The following DOCK10 variants were observed in gnomAD, a reference collection of about 807,000 sequenced individuals.
DOCK10 encodes the protein dedicator of cytokinesis 10, also known as dedicator of cytokinesis protein 10.
DOCK10 carries 145 observed loss-of-function variants against 280.1 expected under a neutral mutation model. The ratio of observed to expected loss-of-function variants is 0.52; its 90% CI spans 0.45 to 0.59. The LOEUF (loss-of-function observed/expected upper bound fraction) is 0.59. DOCK10 is among the 20% of genes least tolerant of loss of function. The pLI is 0.00. For missense variants in DOCK10, 2,368 were observed against 2,651.7 expected (o/e 0.89, Z 2.35); for synonymous variants, 915 against 942.2 (o/e 0.97, Z 0.53).
At chr2:225,023,853 T>C (rs761434213) in intron 1 of DOCK10, among the ~76,000 whole-genome samples, 2 of 152,188 alleles carry the variant, frequency 1.3e-5, no homozygotes, top group Non-Finnish European at 2.9e-5. Flanking sequence ...AGCAAAGGTA[T>C]AAAAAGCAGC....
chr2:224,893,219 C>T (rs772894307), intron 4 of DOCK10: 1 of 152,174 alleles, frequency 6.6e-6, no homozygotes, highest in Non-Finnish European at 1.5e-5. Context: ...ATGAGGATAA[C>T]AGTTCCTATT....
At chr2:224,864,826 C>A in intron 12 of DOCK10, 40 bp downstream of exon 12, 1 of 1,609,826 alleles carries the variant, frequency 6.2e-7, no homozygotes, top group Non-Finnish European at 8.5e-7. Flanking sequence ...AATAATGGTA[C>A]AAGCATTTTC....
chr2:224,884,976 G>T (rs1222373513), intron 7 of DOCK10, among the ~76,000 whole-genome samples: 2 of 151,898 alleles, frequency 1.3e-5, no homozygotes, highest in Non-Finnish European at 2.9e-5. Flanking sequence ...CTTTGAACTT[G>T]CTGCCTTTGC....
rs547195603 is a variant in DOCK10, at chr2:224,943,930, A to AT, written c.124-12263dup. Among the ~76,000 whole-genome samples, 368 of 151,956 alleles carry AT rather than the reference A, an allele frequency of 2.4e-3. 3 individuals are homozygous for AT. Among genetic ancestry groups the AT allele is most frequent in the African/African-American group, 8.7e-3 (360 of 41,464 alleles). On this transcript the variant is annotated intron_variant, in intron 1 of 55. Coordinates refer to ENST00000258390, the MANE Select transcript of DOCK10 (RefSeq NM_014689.3). ...AGGCACGTGCCACCACGGCCGGCTA[A>AT]TTTTTTGTATTTTTAGTCGAGATGG...
chr2:225,040,085 T>C (rs185172594), intron 1 of DOCK10, among the ~76,000 whole-genome samples: 56 of 152,200 alleles, frequency 3.7e-4, no homozygotes, highest in African/African-American at 1.1e-3. Context: ...TGAAGAGTCT[T>C]AAGGGATTGC....
At chr2:224,942,691 A>G (rs1323546022) in intron 1 of DOCK10, among the ~76,000 whole-genome samples, 3 of 152,018 alleles carry the variant, frequency 2.0e-5, no homozygotes, top group African/African-American at 7.3e-5. Context: ...AATATAAAAT[A>G]ATGTATATTA....
chr2:224,838,909 TA>T (rs1157904695), intron 24 of DOCK10, among the ~76,000 whole-genome samples: 1 of 151,958 alleles, frequency 6.6e-6, no homozygotes, highest in Non-Finnish European at 1.5e-5. Flanking sequence ...ATTTAATACT[TA>T]AAAAAAAGGT....
chr2:224,804,421 G>C (rs1429283972), intron 38 of DOCK10, among the ~76,000 whole-genome samples: 2 of 150,622 alleles, frequency 1.3e-5, no homozygotes, highest in Non-Finnish European at 3.0e-5. Context: ...AGAAAATGAT[G>C]ACAGTACGAA....
intron 1 of DOCK10, among the ~76,000 whole-genome samples, chr2:225,005,863 T>C (rs776429199): frequency 2.0e-5 from 3 of 152,218 alleles, no homozygotes; most frequent in South Asian, 4.1e-4. Flanking sequence ...TCCAATGTTA[T>C]TTAAAGCTGT....
intron 1 of DOCK10, among the ~76,000 whole-genome samples, chr2:224,988,155 C>A (rs1706021914): frequency 6.6e-6 from 1 of 152,170 alleles, no homozygotes; most frequent in Non-Finnish European, 1.5e-5. Flanking sequence ...AAAGGTGATA[C>A]TGCCCTGGAA....
At chr2:224,928,375 G>A (rs1173673367) in intron 2 of DOCK10, among the ~76,000 whole-genome samples, 1 of 152,208 alleles carries the variant, frequency 6.6e-6, no homozygotes, top group African/African-American at 2.4e-5. Flanking sequence ...AAGGAATGGT[G>A]TCCGTGTTCA....
rs115062178 is a variant in DOCK10 at position 224,850,946 on chromosome 2, C to T, written c.2143-1347G>A. 1.2e-3 allele frequency among the ~76,000 whole-genome samples: 182 copies of T among 152,162 alleles called. 1 individual carries two copies. The highest frequency in any genetic ancestry group is 4.0e-3 in the African/African-American group (167 of 41,510). The stretch of plus-strand genomic sequence containing the variant: ...CCAGTCTCGGGTAGTATCTTTATAG[C>T]AGTGTGAGAATGGAGTGATACAGGC... On this transcript the variant is annotated intron_variant, in intron 18 of 55. Transcript: ENST00000258390.
In DOCK10 at chr2:224,804,145, G is replaced by T; in HGVS notation, c.4235C>A (p.Pro1412His). 1.2e-6 allele frequency: 2 copies of T among 1,611,744 alleles called. No homozygotes were observed. The highest frequency in any genetic ancestry group is 1.7e-6 in the Non-Finnish European group (2 of 1,178,490). Residue 1412 changes from proline (P) to histidine (H), a missense_variant, in exon 39 of 56, where the codon CCT becomes CAT. Transcript: ENST00000258390. The part of the protein sequence containing the change: ...QNNGTLKGSN[P>H]SCQTSGLLSQ... ...CAAGAGACCTGATGTCTGGCAGGAA[G>T]GATTGGATCCTTTGAGAGTTCCATT... is the stretch of plus-strand genomic sequence containing the variant.
chr2:224,954,264 T>C (rs1466726478), intron 1 of DOCK10, among the ~76,000 whole-genome samples: 1 of 152,196 alleles, frequency 6.6e-6, no homozygotes, highest in African/African-American at 2.4e-5. Context: ...GAAGGAGTTA[T>C]ACTTTTTCAA....
chr2:224,999,060 A>C (rs1386886050), intron 1 of DOCK10, among the ~76,000 whole-genome samples: 2 of 151,950 alleles, frequency 1.3e-5, no homozygotes, highest in African/African-American at 4.8e-5. Context: ...GATGGTATAC[A>C]CCTGTAGTCC....
intron 18 of DOCK10, 73 bp downstream of exon 18, chr2:224,852,304 C>T (rs1696798450): frequency 6.1e-6 from 7 of 1,149,384 alleles, no homozygotes; most frequent in Non-Finnish European, 8.9e-6. Flanking sequence ...CATAAAAAGC[C>T]CTGCAATGGT....
intron 11 of DOCK10, among the ~76,000 whole-genome samples, chr2:224,870,929 C>T (rs755144824): frequency 5.5e-5 from 8 of 145,566 alleles, no homozygotes; most frequent in African/African-American, 1.3e-4. Context: ...TGGGTTCAGG[C>T]GATTCTTCTG....
In DOCK10 at chr2:224,770,263, C is replaced by A; in HGVS notation, c.6392G>T (p.Arg2131Met). 3 of 1,604,826 alleles carry A rather than the reference C, an allele frequency of 1.9e-6. No homozygotes were observed. Among genetic ancestry groups the A allele is most frequent in the Non-Finnish European group, 2.6e-6 (3 of 1,175,668 alleles). Residue 2131 changes from arginine to methionine, a missense_variant, in exon 55 of 56, where the codon AGG (arginine) becomes ATG (methionine). Around this residue, in one of 2 missense-constraint regions of DOCK10, gnomAD observed 1,159 missense variants for 1,400.8 expected, o/e 0.83. Transcript: ENST00000258390. The surrounding 1 kb of genome is among the most constrained non-coding windows in gnomAD (Gnocchi z 4.5). Reference protein sequence around the residue: ...EDQLEYQEELRSHYKDMLSEL... With the variant: ...EDQLEYQEELMSHYKDMLSEL... Reference sequence around the variant, plus strand: ...GCTGAGCATGTCCTTGTAGTGGGACCTCAGTTCTTCCTGGTACTCCAGCTG... The same window carrying A: ...GCTGAGCATGTCCTTGTAGTGGGACATCAGTTCTTCCTGGTACTCCAGCTG...
intron 1 of DOCK10, among the ~76,000 whole-genome samples, chr2:225,000,298 A>G (rs963777257): frequency 6.6e-6 from 1 of 152,130 alleles, no homozygotes; most frequent in Non-Finnish European, 1.5e-5. Flanking sequence ...TTATTGCTGC[A>G]GTTTATAATG....
Sources: gnomAD v4.1 joint callset for allele counts (sites outside exome capture counted in the v4.1 genomes callset) on GRCh38, gnomAD v4.1.1 for gene constraint, gnomAD v4.1.1 regional missense constraint, Gnocchi (gnomAD v3.1) non-coding constraint, MANE v1.5 for transcripts, NCBI Gene and HGNC (gene_info 2026-07-23, HGNC 2026-07-21) for gene names.